BMP6: variants seen among roughly 807,000 people sequenced by gnomAD.
BMP6 encodes VG-1-R.
BMP6 carries 17 observed loss-of-function variants against 54.1 expected under a neutral mutation model. The ratio of observed to expected loss-of-function variants is 0.31; its 90% CI spans 0.22 to 0.47. BMP6 has a LOEUF of 0.47. Among genes scored for constraint, BMP6 ranks in the 20% least tolerant of loss-of-function variants. The pLI, the probability that BMP6 is intolerant of heterozygous loss-of-function variation, is 1.00. For synonymous variants in BMP6, 328 were observed against 291.2 expected (o/e 1.13, Z -1.28); for missense variants, 720 against 690.4 (o/e 1.04, Z -0.48).
chr6:7,729,850 G>C lies in BMP6; in HGVS notation c.664+2231G>C, dbSNP rs556249951. ...ACTCCATATCAAATCAGAATGTGTG[G>C]AGGTGGAAACCAGGTAGCAGTATTT... On this transcript the variant is annotated intron_variant, in intron 1 of 6. Coordinates refer to ENST00000283147, the MANE Select transcript of BMP6 (RefSeq NM_001718.6). Among the ~76,000 whole-genome samples, 66 of 152,286 alleles carry C rather than the reference G, an allele frequency of 4.3e-4. No homozygotes were observed. In the South Asian group the frequency reaches 5.2e-3, roughly 12 times the overall value.
At chr6:7,879,172 G>T (rs1306756561) in intron 5 of BMP6, 22 bp downstream of exon 5, 5 of 1,600,634 alleles carry the variant, frequency 3.1e-6, no homozygotes, top group Non-Finnish European at 3.4e-6. Flanking sequence ...GGACACGGGG[G>T]ATAAAGGTCC....
At chr6:7,800,532 G>C (rs1384259337) in intron 1 of BMP6, among the ~76,000 whole-genome samples, 1 of 152,100 alleles carries the variant, frequency 6.6e-6, no homozygotes. Flanking sequence ...TGGTGTCTGG[G>C]AGGCCCAGTC....
intron 1 of BMP6, among the ~76,000 whole-genome samples, chr6:7,823,473 C>T (rs548054569): frequency 2.6e-5 from 4 of 152,132 alleles, no homozygotes; most frequent in Admixed American, 6.5e-5. Context: ...ACTCATGAAA[C>T]GTGCATTCTA....
At chr6:7,816,735 T>C (rs1315401982) in intron 1 of BMP6, among the ~76,000 whole-genome samples, 1 of 152,094 alleles carries the variant, frequency 6.6e-6, no homozygotes, top group East Asian at 1.9e-4. Context: ...GTTTTGGTAG[T>C]GATTGTTTTT....
At chr6:7,808,467 A>G (rs1360481072) in intron 1 of BMP6, among the ~76,000 whole-genome samples, 1 of 152,168 alleles carries the variant, frequency 6.6e-6, no homozygotes, top group African/African-American at 2.4e-5. Flanking sequence ...CATTGCACAT[A>G]ACTTCTTAAG....
chr6:7,875,878 T>G (rs1759607650), intron 4 of BMP6, among the ~76,000 whole-genome samples: 1 of 152,222 alleles, frequency 6.6e-6, no homozygotes, highest in African/African-American at 2.4e-5. Context: ...CAATGTGCTT[T>G]GGATCCCTCC....
intron 1 of BMP6, among the ~76,000 whole-genome samples, chr6:7,734,825 T>C (rs1341016938): frequency 1.3e-5 from 2 of 152,228 alleles, no homozygotes; most frequent in African/African-American, 4.8e-5. Context: ...GGTCTCGTTA[T>C]CTCAAGCACA....
At chr6:7,876,810 T>G (rs1253129452) in intron 4 of BMP6, among the ~76,000 whole-genome samples, 1 of 152,186 alleles carries the variant, frequency 6.6e-6, no homozygotes, top group Non-Finnish European at 1.5e-5. Flanking sequence ...TTTTTTCATG[T>G]TTTTTCCCCA....
intron 1 of BMP6, among the ~76,000 whole-genome samples, chr6:7,823,660 G>C (rs918821968): frequency 6.6e-6 from 1 of 152,170 alleles, no homozygotes; most frequent in South Asian, 2.1e-4. Context: ...GATGATATGT[G>C]AGCAGAGATG....
At chr6:7,824,770 T>C (rs1406569908) in intron 1 of BMP6, among the ~76,000 whole-genome samples, 9 of 152,248 alleles carry the variant, frequency 5.9e-5, no homozygotes, top group Admixed American at 5.9e-4. Flanking sequence ...GTTGGTATTT[T>C]CTAGAACCTT....
intron 1 of BMP6, among the ~76,000 whole-genome samples, chr6:7,775,667 G>A (rs2113161217): frequency 6.6e-6 from 1 of 152,328 alleles, no homozygotes; most frequent in Middle Eastern, 3.4e-3. Context: ...ATGTGGTAAG[G>A]TCAGCTCTCT....
chr6:7,730,187 A>G (rs1761827587), intron 1 of BMP6, among the ~76,000 whole-genome samples: 1 of 152,224 alleles, frequency 6.6e-6, no homozygotes. Context: ...CGTGGGCTAC[A>G]GGGACACACT....
At chr6:7,765,105 A>G (rs1224955472) in intron 1 of BMP6, among the ~76,000 whole-genome samples, 2 of 152,154 alleles carry the variant, frequency 1.3e-5, no homozygotes, top group Non-Finnish European at 2.9e-5. Context: ...TTTTGAGTGA[A>G]TCACTGCCCA....
intron 1 of BMP6, among the ~76,000 whole-genome samples, chr6:7,792,372 C>T (rs150572793): frequency 6.6e-6 from 1 of 152,316 alleles, no homozygotes; most frequent in African/African-American, 2.4e-5. Flanking sequence ...TCAGTTGACA[C>T]GTAAAACTGA....
intron 1 of BMP6, among the ~76,000 whole-genome samples, chr6:7,835,900 G>A (rs1758867896): frequency 6.6e-6 from 1 of 151,716 alleles, no homozygotes; most frequent in Non-Finnish European, 1.5e-5. Context: ...GCAGTGGCGT[G>A]ATCTCGGCTC....
intron 1 of BMP6, among the ~76,000 whole-genome samples, chr6:7,832,752 G>T (rs1195436286): frequency 6.8e-6 from 1 of 146,552 alleles, no homozygotes; most frequent in Non-Finnish European, 1.5e-5. Context: ...GATGACGTAG[G>T]GGCACCAAGC....
chr6:7,849,390 A>G (rs969178762), intron 2 of BMP6, among the ~76,000 whole-genome samples: 1 of 152,182 alleles, frequency 6.6e-6, no homozygotes, highest in Non-Finnish European at 1.5e-5. Flanking sequence ...TTTACACAAA[A>G]GTATTATATA....
chr6:7,822,841 G>C (rs891367157), intron 1 of BMP6, among the ~76,000 whole-genome samples: 4 of 151,760 alleles, frequency 2.6e-5, no homozygotes, highest in Non-Finnish European at 5.9e-5. Context: ...GCAACTAGTG[G>C]AAACCTTGTG....
chr6:7,823,551 A>G (rs571046832), intron 1 of BMP6, among the ~76,000 whole-genome samples: 1 of 152,226 alleles, frequency 6.6e-6, no homozygotes, highest in African/African-American at 2.4e-5. Flanking sequence ...CTATGGAGAC[A>G]TGTATTTTAA....
Sources: gnomAD v4.1 joint callset for allele counts (sites outside exome capture counted in the v4.1 genomes callset) on GRCh38, gnomAD v4.1.1 for gene constraint, MANE v1.5 for transcripts, NCBI Gene and HGNC (gene_info 2026-07-23, HGNC 2026-07-21) for gene names.